CNTN1: variants seen among roughly 807,000 people sequenced by gnomAD.
The protein encoded by CNTN1 is contactin 1.
Under a neutral mutation model 126.4 loss-of-function variants are expected in CNTN1, and 38 were observed. That is an observed-to-expected ratio of 0.30 (90% CI 0.23 to 0.39). The LOEUF is 0.39. Among genes scored for constraint, CNTN1 ranks in the 10% least tolerant of loss-of-function variants. The pLI, the probability that CNTN1 is intolerant of heterozygous loss-of-function variation, is 1.00. For synonymous variants in CNTN1, 413 were observed against 422.6 expected (o/e 0.98, Z 0.28); for missense variants, 1,009 against 1,248.4 (o/e 0.81, Z 2.89).
chr12:40,965,440 C>G (rs1444474522), intron 15 of CNTN1, among the ~76,000 whole-genome samples: 1 of 152,088 alleles, frequency 6.6e-6, no homozygotes, highest in African/African-American at 2.4e-5. Flanking sequence ...TATTCTGGAG[C>G]TGGTAGGACA....
At chr12:40,764,887 G>C (rs2136422289) in intron 1 of CNTN1, among the ~76,000 whole-genome samples, 1 of 152,162 alleles carries the variant, frequency 6.6e-6, no homozygotes, top group Non-Finnish European at 1.5e-5. Context: ...ACCAACATTT[G>C]GGGATTTTCT....
At chr12:40,943,169 G>C (rs770333305) in intron 12 of CNTN1, among the ~76,000 whole-genome samples, 1 of 151,950 alleles carries the variant, frequency 6.6e-6, no homozygotes, top group African/African-American at 2.4e-5. Context: ...TTACTAAGGA[G>C]GTTTTAAAAT....
At chr12:40,893,577 A>T (rs1944311162) in intron 1 of CNTN1, among the ~76,000 whole-genome samples, 2 of 152,240 alleles carry the variant, frequency 1.3e-5, no homozygotes, top group African/African-American at 4.8e-5. Flanking sequence ...GAAAGTAAAC[A>T]ATCTACCAAG....
chr12:40,866,875 A>G (rs1190633838), intron 1 of CNTN1, among the ~76,000 whole-genome samples: 1 of 152,042 alleles, frequency 6.6e-6, no homozygotes, highest in Non-Finnish European at 1.5e-5. Flanking sequence ...GTTTTTGGTC[A>G]TTTGTGTATT....
chr12:40,937,579 G>C lies in CNTN1; in HGVS notation c.1120G>C (p.Gly374Arg). 1 of 1,590,070 alleles carries C rather than the reference G, an allele frequency of 6.3e-7. No individual in the cohort carries two copies. The highest frequency in any genetic ancestry group is 8.6e-7 in the Non-Finnish European group (1 of 1,158,294). ...ATTTTATTCTTTTCAGTATCATAAAGGGGAATTAAGACTGTATGATGTGAC... is the reference window on the plus strand; with the variant it reads ...ATTTTATTCTTTTCAGTATCATAAACGGGAATTAAGACTGTATGATGTGAC... ...WLKNGYAYHK[G>R]ELRLYDVTFE... The change falls in exon 11 of 24, where the codon GGG (glycine) becomes CGG (arginine). Residue 374 changes from glycine (G) to arginine (R), a missense_variant. Coordinates refer to ENST00000551295, the MANE Select transcript of CNTN1 (RefSeq NM_001843.4).
intron 1 of CNTN1, among the ~76,000 whole-genome samples, chr12:40,871,990 G>T (rs1015762901): frequency 1.7e-4 from 26 of 152,076 alleles, no homozygotes; most frequent in African/African-American, 5.1e-4. Context: ...AATGAGATTG[G>T]ATAGTCTTTG....
intron 4 of CNTN1, among the ~76,000 whole-genome samples, chr12:40,918,994 G>C (rs556918199): frequency 1.3e-5 from 2 of 152,064 alleles, no homozygotes; most frequent in Non-Finnish European, 2.9e-5. Flanking sequence ...CACAGATAAT[G>C]TTACTGGCAT....
intron 1 of CNTN1, among the ~76,000 whole-genome samples, chr12:40,771,867 T>C (rs566685925): frequency 1.9e-4 from 29 of 152,184 alleles, no homozygotes; most frequent in African/African-American, 6.7e-4. Context: ...ATTTAAATGG[T>C]CTTGATCTGC....
chr12:41,059,257 G>A (rs1472596550), intron 23 of CNTN1, among the ~76,000 whole-genome samples: 1 of 152,054 alleles, frequency 6.6e-6, no homozygotes, highest in Non-Finnish European at 1.5e-5. Flanking sequence ...TCACTCATTT[G>A]TCATAGCCTC....
At chr12:40,843,365 TAAA>T (rs1025433478) in intron 1 of CNTN1, among the ~76,000 whole-genome samples, 2 of 152,148 alleles carry the variant, frequency 1.3e-5, no homozygotes, top group African/African-American at 4.8e-5. Flanking sequence ...AATATTTTAA[TAAA>T]AAAGAAATTG....
At chr12:40,888,735 T>C (rs925868913) in intron 1 of CNTN1, among the ~76,000 whole-genome samples, 26 of 152,246 alleles carry the variant, frequency 1.7e-4, no homozygotes, top group Admixed American at 1.6e-3. Flanking sequence ...AGGTGTTTAC[T>C]GGGCCTGATA....
chr12:40,805,079 A>C (rs1257392267), intron 1 of CNTN1, among the ~76,000 whole-genome samples: 1 of 151,976 alleles, frequency 6.6e-6, no homozygotes, highest in Non-Finnish European at 1.5e-5. Flanking sequence ...ACTGCCTTTA[A>C]CATATTTTTA....
chr12:41,016,562 T>C (rs976571381), intron 18 of CNTN1, 120 bp from the exon 19 acceptor site: 8 of 713,620 alleles, frequency 1.1e-5, no homozygotes, highest in Non-Finnish European at 2.0e-5. Context: ...CCAGCACTAA[T>C]GTATGAACTG....
chr12:41,016,185 G>T (rs868304933), intron 18 of CNTN1, among the ~76,000 whole-genome samples: 1 of 152,114 alleles, frequency 6.6e-6, no homozygotes, highest in East Asian at 1.9e-4. Context: ...TGACAAAAAC[G>T]CTGCATTCAT....
At position 41,051,402 on chromosome 12, in the gene CNTN1, C is replaced by T. The variant is rs560307566; in HGVS notation, c.2981-18557C>T. On this transcript the variant is annotated intron_variant, in intron 23 of 23. Transcript: ENST00000551295. ...TCCTGACCTCGTGATCCACCCACCT[C>T]GGCCTCCCAAAGTGCTGGGATTACA... 1.2e-4 allele frequency among the ~76,000 whole-genome samples: 18 copies of T among 151,978 alleles called. No individual in the cohort carries two copies. The East Asian group carries it at 3.1e-3, about 26-fold the overall frequency.
At chr12:40,923,899 T>G (rs1220751191) in intron 5 of CNTN1, among the ~76,000 whole-genome samples, 6 of 152,048 alleles carry the variant, frequency 3.9e-5, no homozygotes, top group Non-Finnish European at 8.8e-5. Flanking sequence ...GATCACAGGT[T>G]AGGAACAGGA....
chr12:40,758,376 C>A (rs550109382), intron 1 of CNTN1, among the ~76,000 whole-genome samples: 1 of 151,332 alleles, frequency 6.6e-6, no homozygotes, highest in African/African-American at 2.4e-5. Context: ...ATTTTAAATT[C>A]TGCAACCAGT....
chr12:40,952,356 T>A (rs988164005), intron 14 of CNTN1, among the ~76,000 whole-genome samples: 10 of 152,234 alleles, frequency 6.6e-5, no homozygotes, highest in African/African-American at 2.4e-4. Context: ...GCTATGAAAT[T>A]ATAAATATAA....
intron 23 of CNTN1, among the ~76,000 whole-genome samples, 187 bp from the exon 24 acceptor site, chr12:41,069,772 A>G (rs1950125555): frequency 6.6e-6 from 1 of 152,192 alleles, no homozygotes; most frequent in Non-Finnish European, 1.5e-5. Flanking sequence ...ACATGGTCTC[A>G]CACAGAAAAT....
Sources: allele counts gnomAD v4.1 joint callset (sites outside exome capture counted in the v4.1 genomes callset), GRCh38; gene constraint gnomAD v4.1.1; transcripts MANE v1.5; gene names NCBI Gene and HGNC (gene_info 2026-07-23, HGNC 2026-07-21).